PRCC: variants seen among roughly 807,000 people sequenced by gnomAD.
PRCC encodes the protein proline rich mitotic checkpoint control factor.
PRCC carries 10 observed loss-of-function variants against 44.0 expected under a neutral mutation model. The ratio of observed to expected loss-of-function variants is 0.23; its 90% CI spans 0.14 to 0.39. The LOEUF is 0.39. Among genes scored for constraint, PRCC ranks in the 10% least tolerant of loss-of-function variants. The probability of loss-of-function intolerance (pLI) is 1.00; values close to 1 mark genes in which losing one functional copy is unlikely to be tolerated. For missense variants in PRCC, 573 were observed against 624.7 expected (o/e 0.92, Z 0.88); for synonymous variants, 278 against 259.5 (o/e 1.07, Z -0.69).
intron 1 of PRCC, among the ~76,000 whole-genome samples, chr1:156,778,728 G>A (rs536388110): frequency 6.6e-6 from 1 of 151,442 alleles, no homozygotes; most frequent in African/African-American, 2.4e-5. Flanking sequence ...GACTACAGGC[G>A]TGCGCCACCA....
At chr1:156,783,029 C>T (rs1430727254) in intron 2 of PRCC, among the ~76,000 whole-genome samples, 3 of 152,124 alleles carry the variant, frequency 2.0e-5, no homozygotes, top group Non-Finnish European at 2.9e-5. Context: ...CTTAGCCTTC[C>T]GAGTAGCTGG....
intron 6 of PRCC, among the ~76,000 whole-genome samples, chr1:156,799,771 A>G (rs917046984): frequency 6.6e-6 from 1 of 152,220 alleles, no homozygotes; most frequent in Non-Finnish European, 1.5e-5. Flanking sequence ...ACATTCCAGA[A>G]TGTGGTATAG....
chr1:156,788,111 T>C (rs1009455353), intron 3 of PRCC, among the ~76,000 whole-genome samples: 7 of 152,210 alleles, frequency 4.6e-5, no homozygotes, highest in African/African-American at 1.7e-4. Context: ...GATGGAATTA[T>C]AGTGTGAGCC....
At position 156,768,037 on chromosome 1, in the gene PRCC, G is replaced by A; in HGVS notation, c.266G>A (p.Gly89Asp). The A allele has an allele frequency of 6.3e-7, 1 of 1,576,718 alleles. No individual in the cohort carries two copies. Among genetic ancestry groups the A allele is most frequent in the South Asian group, 1.2e-5 (1 of 86,642 alleles). ...PPPPLPFGLG[G>D]FPPPPGVSPA... is the part of the protein sequence containing the mutation. ...CCCCCCTTGCCCTTCGGCCTGGGAG[G>A]CTTCCCCCCACCTCCAGGCGTGAGC... The change falls in exon 1 of 7, where the codon GGC (glycine) becomes GAC (aspartate). Residue 89 changes from glycine to aspartate, a missense_variant. Coordinates refer to ENST00000271526, the MANE Select transcript of PRCC (RefSeq NM_005973.5).
intron 6 of PRCC, among the ~76,000 whole-genome samples, chr1:156,797,773 A>G (rs1652708603): frequency 6.6e-6 from 1 of 152,184 alleles, no homozygotes; most frequent in South Asian, 2.1e-4. Flanking sequence ...GGGAACATCA[A>G]CACAAATAAT....
chr1:156,797,421 G>A lies in PRCC; in HGVS notation c.1389+80G>A, dbSNP rs561287439. The A allele has an allele frequency of 1.8e-5, 27 of 1,533,570 alleles. No homozygotes were observed. The Middle Eastern group carries it at 5.1e-4, about 29-fold the overall frequency. 95.0% of individuals were successfully genotyped at this position (1,533,570 alleles called of 1,614,324 possible). A position where few individuals can be genotyped will look rare whatever the true frequency, so the allele number is the denominator to read the frequency against. The stretch of plus-strand genomic sequence containing the variant: ...TTGAAGGCTGAGATACGAGTTAGAA[G>A]CCCAGATGCTTATCTTTTAGCAGCC... On this transcript the variant is annotated intron_variant, in intron 6 of 6. Transcript: ENST00000271526.
intron 1 of PRCC, among the ~76,000 whole-genome samples, chr1:156,774,611 G>A (rs543596241): frequency 1.9e-4 from 29 of 151,748 alleles, no homozygotes; most frequent in African/African-American, 9.7e-5. Flanking sequence ...CTCAGTCTCC[G>A]CAGTAGCTGG....
chr1:156,782,555 A>T (rs1156772110), intron 2 of PRCC, among the ~76,000 whole-genome samples: 1 of 152,174 alleles, frequency 6.6e-6, no homozygotes, highest in African/African-American at 2.4e-5. Context: ...TTCCTGGAAG[A>T]CAGGCAGTGG....
At chr1:156,795,296 T>G (rs903215674) in intron 5 of PRCC, among the ~76,000 whole-genome samples, 5 of 128,688 alleles carry the variant, frequency 3.9e-5, no homozygotes, top group Admixed American at 8.1e-5. Context: ...TTTTTTTTTT[T>G]TTTTTTTTTT....
intron 4 of PRCC, 104 bp downstream of exon 4, chr1:156,791,896 CTG>C: frequency 9.5e-7 from 1 of 1,051,906 alleles, no homozygotes; most frequent in Non-Finnish European, 1.4e-6. Flanking sequence ...AAAGACAAAA[CTG>C]TATCAGGATT....
At chr1:156,790,821 A>T (rs910784396) in intron 3 of PRCC, among the ~76,000 whole-genome samples, 5 of 152,114 alleles carry the variant, frequency 3.3e-5, no homozygotes, top group African/African-American at 9.7e-5. Flanking sequence ...ATACCATTAT[A>T]AAAAAAATCC....
At chr1:156,777,957 A>G (rs114664840) in intron 1 of PRCC, among the ~76,000 whole-genome samples, 2,197 of 152,344 alleles carry the variant, frequency 0.014, 47 homozygotes, top group African/African-American at 0.05. Context: ...CATTGTATCT[A>G]TAGGATACAA....
In PRCC at chr1:156,771,562, C is replaced by G. The variant is rs544928117; in HGVS notation, c.468+3323C>G. ...CAAGATTGACCCCCACTGCATTTGC[C>G]TCAGGCAGCTGGGGGGTGGTGTTGC... On this transcript the variant is annotated intron_variant, in intron 1 of 6. Coordinates refer to ENST00000271526, the MANE Select transcript of PRCC (RefSeq NM_005973.5). Among the ~76,000 whole-genome samples the G allele has an allele frequency of 1.8e-3, 281 of 152,306 alleles. 1 individual carries two copies. The highest frequency in any genetic ancestry group is 6.3e-3 in the African/African-American group (262 of 41,560).
intron 1 of PRCC, among the ~76,000 whole-genome samples, chr1:156,771,732 C>T (rs1206601652): frequency 6.6e-6 from 1 of 151,550 alleles, no homozygotes; most frequent in Non-Finnish European, 1.5e-5. Flanking sequence ...TGTCTCGCTA[C>T]ATTGCCCAGG....
chr1:156,784,091 C>T (rs1652148349), intron 2 of PRCC, among the ~76,000 whole-genome samples: 1 of 152,026 alleles, frequency 6.6e-6, no homozygotes, highest in Non-Finnish European at 1.5e-5. Flanking sequence ...GGACTACAGG[C>T]ACCCGCCACC....
chr1:156,767,690 G>T lies in PRCC; in HGVS notation c.-82G>T, dbSNP rs988734480. ...TCGGTTCCCCGCCCCGCCAGGTGGC[G>T]GGGCCTACTAGGCCTCCGGGCATCC... On this transcript the variant is annotated 5_prime_UTR_variant, in exon 1 of 7. Transcript: ENST00000271526. 4.3e-6 allele frequency: 6 copies of T among 1,395,716 alleles called. No individual in the cohort carries two copies. The highest frequency in any genetic ancestry group is 5.0e-5 in the East Asian group (2 of 39,792). The allele number at this position is 1,395,716 out of a possible 1,614,324, so 86.5% of individuals were successfully genotyped here.
At chr1:156,789,657 G>A (rs1174794765) in intron 3 of PRCC, among the ~76,000 whole-genome samples, 1 of 152,092 alleles carries the variant, frequency 6.6e-6, no homozygotes, top group Admixed American at 6.5e-5. Flanking sequence ...GAATCCTGAG[G>A]GTGGTTTGAG....
At position 156,794,902 on chromosome 1, in the gene PRCC, T is replaced by C. The variant is rs1028501543; in HGVS notation, c.1323+94T>C. 37 of 1,493,734 alleles carry C rather than the reference T, an allele frequency of 2.5e-5. No individual in the cohort carries two copies. In the African/African-American group the frequency reaches 3.6e-4, roughly 15 times the overall value. The allele number at this position is 1,493,734 out of a possible 1,614,324, so 92.5% of individuals were successfully genotyped here. A position where few individuals can be genotyped will look rare whatever the true frequency, so the allele number is the denominator to read the frequency against. On this transcript the variant is annotated intron_variant, in intron 5 of 6. Coordinates refer to ENST00000271526, the MANE Select transcript of PRCC (RefSeq NM_005973.5). Reference sequence around the variant, plus strand: ...GTCTTGACCCCACACCCCATTGTTATTGTCACAGCACCTTTAGCAAACACA... The same window carrying C: ...GTCTTGACCCCACACCCCATTGTTACTGTCACAGCACCTTTAGCAAACACA...
intron 1 of PRCC, among the ~76,000 whole-genome samples, chr1:156,781,667 C>G (rs1368695728): frequency 6.6e-6 from 1 of 152,198 alleles, no homozygotes; most frequent in Non-Finnish European, 1.5e-5. Flanking sequence ...TGCCCCAGAT[C>G]CTCATGGTCA....
Sources: gnomAD v4.1 joint callset for allele counts (sites outside exome capture counted in the v4.1 genomes callset) on GRCh38, gnomAD v4.1.1 for gene constraint, MANE v1.5 for transcripts, NCBI Gene and HGNC (gene_info 2026-07-23, HGNC 2026-07-21) for gene names.